The following SCFD1 variants were observed in gnomAD, a reference collection of about 807,000 sequenced individuals.
The protein encoded by SCFD1 is sec1 family domain-containing protein 1.
SCFD1 carries 37 observed loss-of-function variants against 103.2 expected under a neutral mutation model. The observed-to-expected ratio is 0.36, with a 90% CI of 0.28 to 0.47. The LOEUF (loss-of-function observed/expected upper bound fraction) is 0.47. Among genes scored for constraint, SCFD1 ranks in the 20% least tolerant of loss-of-function variants. The pLI is 1.00. For missense variants in SCFD1, 639 were observed against 761.2 expected (o/e 0.84, Z 1.89); for synonymous variants, 264 against 245.0 (o/e 1.08, Z -0.73).
intron 10 of SCFD1, among the ~76,000 whole-genome samples, chr14:30,663,484 G>C (rs771581997): frequency 6.6e-6 from 1 of 152,098 alleles, no homozygotes; most frequent in Non-Finnish European, 1.5e-5. Flanking sequence ...GTTTAGATAC[G>C]AGGATGGGAA....
chr14:30,695,349 A>G (rs1441483486), intron 15 of SCFD1, among the ~76,000 whole-genome samples: 1 of 152,228 alleles, frequency 6.6e-6, no homozygotes, highest in Non-Finnish European at 1.5e-5. Context: ...TTCTTAAAAT[A>G]TAACTATTTG....
At position 30,711,271 on chromosome 14, in the gene SCFD1, G is replaced by A. The variant is rs1027492770; in HGVS notation, c.1629+3206G>A. The stretch of plus-strand genomic sequence containing the variant: ...AAGACTTAAAATACACAGTTGCAAT[G>A]TCTGGCCCTTAAGATTATGATATGA... On this transcript the variant is annotated intron_variant, in intron 19 of 24. Transcript: ENST00000458591. 3.3e-5 allele frequency among the ~76,000 whole-genome samples: 5 copies of A among 152,214 alleles called. No individual in the cohort carries two copies. The East Asian group carries it at 7.7e-4, about 23-fold the overall frequency.
At chr14:30,630,366 A>G in intron 2 of SCFD1, 111 bp from the exon 3 acceptor site, 3 of 697,924 alleles carry the variant, frequency 4.3e-6, no homozygotes, top group Non-Finnish European at 7.7e-6. Context: ...GGCAAGGATA[A>G]CAATTCAGTA....
intron 4 of SCFD1, among the ~76,000 whole-genome samples, chr14:30,637,405 C>T (rs968565955): frequency 6.6e-6 from 1 of 152,088 alleles, no homozygotes; most frequent in African/African-American, 2.4e-5. Context: ...GATTGAACCA[C>T]TACCCTGATC....
intron 1 of SCFD1, among the ~76,000 whole-genome samples, chr14:30,624,626 C>G (rs975136737): frequency 1.3e-5 from 2 of 152,182 alleles, no homozygotes; most frequent in East Asian, 1.9e-4. Context: ...CCTATTTGGT[C>G]TCTTTGCTTT....
chr14:30,717,857 C>G (rs968211213), intron 20 of SCFD1, among the ~76,000 whole-genome samples: 55 of 149,994 alleles, frequency 3.7e-4, no homozygotes, highest in African/African-American at 1.4e-3. Flanking sequence ...GCACTCCAGC[C>G]TGGGTGACAG....
At position 30,725,801 on chromosome 14, in the gene SCFD1, A is replaced by G. The variant is rs548194006; in HGVS notation, c.1836+3242A>G. Among the ~76,000 whole-genome samples, 4 of 152,200 alleles carry G rather than the reference A, an allele frequency of 2.6e-5. No individual in the cohort carries two copies. In the East Asian group the frequency reaches 5.8e-4, roughly 22 times the overall value. On this transcript the variant is annotated intron_variant, in intron 23 of 24. Coordinates refer to ENST00000458591, the MANE Select transcript of SCFD1 (RefSeq NM_016106.4). ...GAATGGTTAGTACTCCTCTAGTTTC[A>G]TAGCAAAAATTAAGTTGCTTGACCA...
intron 14 of SCFD1, 49 bp downstream of exon 14, chr14:30,675,114 GT>G (rs771268695): frequency 2.0e-6 from 2 of 992,906 alleles, no homozygotes; most frequent in Admixed American, 2.5e-5. Context: ...TTTACATAGG[GT>G]TTTATACTTT....
intron 21 of SCFD1, among the ~76,000 whole-genome samples, chr14:30,720,707 T>G (rs766937521): frequency 6.6e-6 from 1 of 152,174 alleles, no homozygotes; most frequent in Non-Finnish European, 1.5e-5. Context: ...TTAGGTATCA[T>G]AAGTAATCTA....
At chr14:30,640,201 C>T (rs764910016) in intron 6 of SCFD1, among the ~76,000 whole-genome samples, 4 of 152,066 alleles carry the variant, frequency 2.6e-5, no homozygotes, top group Non-Finnish European at 4.4e-5. Context: ...TGATCTTGGA[C>T]AAGAACAAGT....
intron 14 of SCFD1, chr14:30,683,630 GA>G (rs919028682): frequency 3.8e-6 from 1 of 260,250 alleles, no homozygotes; most frequent in Admixed American, 5.1e-5. Context: ...AGGAACTCGG[GA>G]GAGCTCATGA....
intron 18 of SCFD1, 75 bp downstream of exon 18, chr14:30,705,960 A>C: frequency 1.7e-6 from 2 of 1,165,428 alleles, no homozygotes; most frequent in Non-Finnish European, 2.6e-6. Context: ...TAAAAACACA[A>C]TGTCTGATAC....
chr14:30,639,656 T>G, intron 5 of SCFD1, 121 bp from the exon 6 acceptor site: 1 of 1,031,254 alleles, frequency 9.7e-7, no homozygotes, highest in Non-Finnish European at 1.3e-6. Context: ...CAATTTTTAG[T>G]TATTGAATGT....
rs536863488 is a variant in SCFD1 at position 30,700,543 on chromosome 14, G to A, written c.1410+285G>A. ...ACAAAAATTAGCCAAGTGTGGTGGCGTGCGCCTGTAATCCCAGCTGCTGGG... is the reference window on the plus strand; with the variant it reads ...ACAAAAATTAGCCAAGTGTGGTGGCATGCGCCTGTAATCCCAGCTGCTGGG... On this transcript the variant is annotated intron_variant, in intron 16 of 24. Coordinates refer to ENST00000458591, the MANE Select transcript of SCFD1 (RefSeq NM_016106.4). 5.3e-5 allele frequency among the ~76,000 whole-genome samples: 8 copies of A among 152,234 alleles called. No individual in the cohort carries two copies. In the South Asian group the frequency reaches 6.2e-4, roughly 12 times the overall value.
In SCFD1 at chr14:30,639,771, T is replaced by C. The variant is rs2273521; in HGVS notation, c.436-6T>C. 400,710 of 1,564,474 alleles carry C rather than the reference T, an allele frequency of 0.26. 57,591 individuals carry two copies. Among genetic ancestry groups the C allele is most frequent in the East Asian group, 0.6 (25,927 of 43,540 alleles). ...TTGATTTGTAAACCTTTTCTTTTGT[T>C]TCTAGGTTTTTGACCAATATCTCAA... On this transcript the variant is annotated splice_region_variant and splice_polypyrimidine_tract_variant and intron_variant, in intron 5 of 24. Coordinates refer to ENST00000458591, the MANE Select transcript of SCFD1 (RefSeq NM_016106.4).
At chr14:30,633,284 A>C (rs1024502673) in intron 3 of SCFD1, among the ~76,000 whole-genome samples, 1 of 152,182 alleles carries the variant, frequency 6.6e-6, no homozygotes, top group Non-Finnish European at 1.5e-5. Flanking sequence ...AATATTCCTC[A>C]TATAAGCATG....
rs897794099 is a variant in SCFD1, at chr14:30,653,666, G to A, written c.855+78G>A. 1.1e-5 allele frequency: 11 copies of A among 988,336 alleles called. No individual in the cohort carries two copies. The Admixed American group carries it at 1.9e-4, about 17-fold the overall frequency. 61.2% of individuals were successfully genotyped at this position (988,336 alleles called of 1,614,324 possible). On this transcript the variant is annotated intron_variant, in intron 10 of 24. Coordinates refer to ENST00000458591, the MANE Select transcript of SCFD1 (RefSeq NM_016106.4). ...CCCTTTAATTTAAAATTAACATCAT[G>A]GCTACAGAAACAAAAATGAGAAGGA...
At chr14:30,676,557 A>G (rs1039909896) in intron 14 of SCFD1, 2 of 152,244 alleles carry the variant, frequency 1.3e-5, no homozygotes, top group South Asian at 4.1e-4. Context: ...AAAGGAGCCA[A>G]TTAGTGAAGA....
chr14:30,696,111 A>T (rs1004900921), intron 15 of SCFD1, among the ~76,000 whole-genome samples: 1 of 152,204 alleles, frequency 6.6e-6, no homozygotes, highest in Non-Finnish European at 1.5e-5. Flanking sequence ...TTTAAGCTGC[A>T]TAATTATGGT....
Sources: gnomAD v4.1 joint callset for allele counts (sites outside exome capture counted in the v4.1 genomes callset) on GRCh38, gnomAD v4.1.1 for gene constraint, MANE v1.5 for transcripts, NCBI Gene and HGNC (gene_info 2026-07-23, HGNC 2026-07-21) for gene names.